SHISA9: variants seen among roughly 807,000 people sequenced by gnomAD.
The protein encoded by SHISA9 is protein shisa-9.
Under a neutral mutation model 38.0 loss-of-function variants are expected in SHISA9, and 13 were observed. The ratio of observed to expected loss-of-function variants is 0.34; its 90% CI spans 0.22 to 0.54. The LOEUF (loss-of-function observed/expected upper bound fraction) is 0.54. Ranked by LOEUF, SHISA9 falls within the 20% of genes least tolerant of loss-of-function variation. The pLI, the probability that SHISA9 is intolerant of heterozygous loss-of-function variation, is 0.91. For missense variants in SHISA9, 538 were observed against 575.8 expected (o/e 0.93, Z 0.67); for synonymous variants, 275 against 242.0 (o/e 1.14, Z -1.27).
At position 13,239,609 on chromosome 16, in the gene SHISA9, G is replaced by A. The variant is rs908235220; in HGVS notation, c.*4200G>A. On this transcript the variant is annotated 3_prime_UTR_variant, in exon 5 of 5. Coordinates refer to ENST00000558583, the MANE Select transcript of SHISA9 (RefSeq NM_001145204.3). ...CCAGTGATGATGAGCATTTTTTCAT[G>A]TGTCTTTTGACTGCATAAATGTCTT... 3.3e-5 allele frequency: 5 copies of A among 152,150 alleles called. No homozygotes were observed. Among genetic ancestry groups the A allele is most frequent in the Non-Finnish European group, 5.9e-5 (4 of 68,040 alleles). 9.4% of individuals were successfully genotyped at this position (152,150 alleles called of 1,614,324 possible). A position where few individuals can be genotyped will look rare whatever the true frequency, so the allele number is the denominator to read the frequency against.
At chr16:13,315,995 A>T in the SHISA9 span, among the ~76,000 whole-genome samples, 1 of 151,954 alleles carries the variant, frequency 6.6e-6, no homozygotes, top group African/African-American at 2.4e-5. Flanking sequence ...ATAACATCTG[A>T]TAGAAAGTGT....
the SHISA9 span, among the ~76,000 whole-genome samples, chr16:13,368,337 G>T: frequency 6.6e-6 from 1 of 152,098 alleles, no homozygotes; most frequent in Admixed American, 6.5e-5. Context: ...CTCCACGGGG[G>T]TTCAACAGAC....
the SHISA9 span, among the ~76,000 whole-genome samples, chr16:13,373,630 C>T: frequency 0.12 from 18,858 of 152,018 alleles, 1,249 homozygotes; most frequent in African/African-American, 0.14. Context: ...GGCATGGTAG[C>T]GGGCGCCTGT....
At chr16:13,244,655 G>C (rs535753747), downstream of SHISA9, among the ~76,000 whole-genome samples, 2 of 152,254 alleles carry the variant, frequency 1.3e-5, no homozygotes, top group African/African-American at 4.8e-5. Context: ...TAGTAGTTTA[G>C]TACTGAGGGA....
At chr16:13,546,334 T>G in the SHISA9 span, among the ~76,000 whole-genome samples, 1 of 152,340 alleles carries the variant, frequency 6.6e-6, no homozygotes, top group Middle Eastern at 3.4e-3. Context: ...TGCAAATCAG[T>G]TTTGCATGTT....
chr16:13,045,639 A>C (rs941645224), intron 2 of SHISA9, among the ~76,000 whole-genome samples: 1 of 135,284 alleles, frequency 7.4e-6, no homozygotes, highest in Admixed American at 7.5e-5. Flanking sequence ...AGGGAGAGGG[A>C]GAAATCAGTA....
chr16:12,953,965 A>T (rs966490870), intron 2 of SHISA9, among the ~76,000 whole-genome samples: 5 of 152,190 alleles, frequency 3.3e-5, no homozygotes, highest in African/African-American at 1.2e-4. Flanking sequence ...AACTGCCCCT[A>T]AGATCCAGTC....
chr16:13,078,592 G>T (rs777767403), intron 2 of SHISA9, among the ~76,000 whole-genome samples: 1 of 152,110 alleles, frequency 6.6e-6, no homozygotes, highest in Non-Finnish European at 1.5e-5. Context: ...TTTTAGTAGA[G>T]ATGGAGTTTT....
At chr16:13,199,363 G>A (rs992249588) in intron 2 of SHISA9, among the ~76,000 whole-genome samples, 2 of 152,188 alleles carry the variant, frequency 1.3e-5, no homozygotes, top group Admixed American at 1.3e-4. Context: ...AATTTCTGCT[G>A]TAGCTCTGTA....
the SHISA9 span, among the ~76,000 whole-genome samples, chr16:13,266,843 G>A: frequency 6.6e-6 from 1 of 152,262 alleles, no homozygotes; most frequent in Non-Finnish European, 1.5e-5. Context: ...ACAACAAGCG[G>A]TGGGGAAGGC....
At chr16:13,352,633 A>G in the SHISA9 span, among the ~76,000 whole-genome samples, 1 of 149,308 alleles carries the variant, frequency 6.7e-6, no homozygotes, top group African/African-American at 2.5e-5. Flanking sequence ...TGTGAGCAAC[A>G]TGGCTGTTTA....
chr16:13,508,138 A>AT, the SHISA9 span, among the ~76,000 whole-genome samples: 2 of 152,180 alleles, frequency 1.3e-5, no homozygotes, highest in African/African-American at 4.8e-5. Flanking sequence ...TAATATGGGA[A>AT]TAAAAGCACC....
the SHISA9 span, among the ~76,000 whole-genome samples, chr16:13,317,060 G>GCTTC: frequency 4.6e-5 from 7 of 152,142 alleles, no homozygotes; most frequent in African/African-American, 1.4e-4. Flanking sequence ...GTCCCTAGCT[G>GCTTC]CTTCCAGAGG....
At chr16:13,412,327 G>C in the SHISA9 span, among the ~76,000 whole-genome samples, 2 of 152,144 alleles carry the variant, frequency 1.3e-5, no homozygotes, top group African/African-American at 4.8e-5. Context: ...TGATTTCCCC[G>C]ATGAAAATAG....
the SHISA9 span, among the ~76,000 whole-genome samples, chr16:13,293,123 C>A: frequency 1.3e-5 from 2 of 152,028 alleles, no homozygotes; most frequent in Non-Finnish European, 2.9e-5. Flanking sequence ...CACATATTAC[C>A]CAGGATTAAA....
At chr16:13,176,078 T>C (rs1287645078) in intron 2 of SHISA9, among the ~76,000 whole-genome samples, 1 of 152,206 alleles carries the variant, frequency 6.6e-6, no homozygotes, top group Non-Finnish European at 1.5e-5. Context: ...AAATATCTTT[T>C]TTATAACTTA....
intron 2 of SHISA9, among the ~76,000 whole-genome samples, chr16:13,017,428 A>T (rs922298303): frequency 4.6e-5 from 7 of 152,208 alleles, no homozygotes; most frequent in African/African-American, 1.7e-4. Flanking sequence ...CTCATTTTGC[A>T]AACAAGGGAA....
intron 2 of SHISA9, among the ~76,000 whole-genome samples, chr16:13,124,584 C>G (rs569151399): frequency 6.6e-6 from 1 of 152,170 alleles, no homozygotes; most frequent in Non-Finnish European, 1.5e-5. Context: ...GGGCATCCAC[C>G]ATGATCTGGA....
chr16:12,934,395 C>T (rs765009574), intron 2 of SHISA9, among the ~76,000 whole-genome samples: 4 of 152,070 alleles, frequency 2.6e-5, no homozygotes, highest in Non-Finnish European at 4.4e-5. Flanking sequence ...GTTCCTTGGC[C>T]AAATAAATTA....
Sources: allele counts gnomAD v4.1 joint callset (sites outside exome capture counted in the v4.1 genomes callset), GRCh38; gene constraint gnomAD v4.1.1; transcripts MANE v1.5; gene names NCBI Gene and HGNC (gene_info 2026-07-23, HGNC 2026-07-21).